Variants in TMEM231 observed in about 807,000 individuals in gnomAD.
TMEM231 encodes the protein transmembrane protein 231.
In TMEM231, 40 loss-of-function variants were observed where a neutral mutation model predicts 38.5. The ratio of observed to expected loss-of-function variants is 1.04; its 90% CI spans 0.81 to 1.35. The LOEUF (loss-of-function observed/expected upper bound fraction) is 1.35. Among genes scored for constraint, TMEM231 ranks in the 40% most tolerant of loss-of-function variants. TMEM231 has a pLI of 0.00. For missense variants in TMEM231, 420 were observed against 416.9 expected, an observed-to-expected ratio of 1.01 and a Z score of -0.07; for synonymous variants, 199 against 181.7, an observed-to-expected ratio of 1.10 and a Z score of -0.77.
At chr16:75,544,576 G>A (rs550045679) in intron 4 of TMEM231, among the ~76,000 whole-genome samples, 2 of 152,306 alleles carry the variant, frequency 1.3e-5, no homozygotes, top group African/African-American at 4.8e-5. Context: ...GATTAAAGGA[G>A]ATGATATAGG....
chr16:75,546,504 G>A lies in TMEM231; in HGVS notation c.310-550C>T, dbSNP rs2080693947. On this transcript the variant is annotated intron_variant, in intron 2 of 6. Transcript: ENST00000258173. ...ATCGCCCAGGCTGGAGTGCAGTGAC[G>A]CAATCACGGCTCACTACAACCTCCG... is the stretch of plus-strand genomic sequence containing the variant. 2.0e-5 allele frequency among the ~76,000 whole-genome samples: 3 copies of A among 151,926 alleles called. No individual in the cohort carries two copies. The South Asian group carries it at 6.2e-4, about 32-fold the overall frequency.
At position 75,556,138 on chromosome 16, in the gene TMEM231, C is replaced by A. The variant is rs746685376; in HGVS notation, c.72G>T (p.Ala24=). ...GCGCAGCGGCCAGCAGCAGGAACAG[C>A]GCGGCTTTGGAGCAGAGCCCCGCGC... is the stretch of plus-strand genomic sequence containing the variant. ...SYRAGLCSKA[A]LFLLLAAALT... is the part of the protein sequence containing the mutation. Residue 24 remains alanine (A), a synonymous_variant, in exon 1 of 7, where the codon GCG becomes GCT. Transcript: ENST00000258173. 1 of 1,578,776 alleles carries A rather than the reference C, an allele frequency of 6.3e-7. No homozygotes were observed. The highest frequency in any genetic ancestry group is 1.8e-5 in the Admixed American group (1 of 55,196).
chr16:75,537,363 T>TA lies in TMEM231; in HGVS notation c.*2630dup, dbSNP rs1331011308. Reference sequence around the variant, plus strand: ...AATATTAGGGGGGCCTCATCTGACTTAAGCCGAAACTGTACTAATCATTTG... The same window carrying TA: ...AATATTAGGGGGGCCTCATCTGACTTAAAGCCGAAACTGTACTAATCATTTG... On this transcript the variant is annotated 3_prime_UTR_variant, in exon 7 of 7. Transcript: ENST00000258173. 1 of 152,058 alleles carries TA rather than the reference T, an allele frequency of 6.6e-6. No individual in the cohort carries two copies. Among genetic ancestry groups the TA allele is most frequent in the Non-Finnish European group, 1.5e-5 (1 of 67,998 alleles). The allele number at this position is 152,058 out of a possible 1,614,324, so 9.4% of individuals were successfully genotyped here.
At chr16:75,554,545 CAAA>C (rs1185694717) in intron 2 of TMEM231, among the ~76,000 whole-genome samples, 26 of 94,110 alleles carry the variant, frequency 2.8e-4, no homozygotes, top group South Asian at 1.7e-3. Flanking sequence ...GACTGTGTCT[CAAA>C]AAAAAAAAAA....
intron 2 of TMEM231, among the ~76,000 whole-genome samples, chr16:75,548,746 G>A (rs2151705089): frequency 6.6e-6 from 1 of 152,238 alleles, no homozygotes; most frequent in Admixed American, 6.5e-5. Flanking sequence ...GCGTGCACCT[G>A]TAATCCCAGC....
chr16:75,548,770 G>A (rs1025551334), intron 2 of TMEM231, among the ~76,000 whole-genome samples: 1 of 152,164 alleles, frequency 6.6e-6, no homozygotes, highest in Non-Finnish European at 1.5e-5. Context: ...TAGGGAGGCT[G>A]AGGCAGGAGA....
In TMEM231 at chr16:75,545,446, A is replaced by G. The variant is rs566395744; in HGVS notation, c.488T>C (p.Phe163Ser). The change falls in exon 4 of 7, where the codon TTT (phenylalanine) becomes TCT (serine). Residue 163 changes from phenylalanine (F) to serine (S), a missense_variant. Phe to Ser is a radical substitution (Grantham distance 155, BLOSUM62 -2). Coordinates refer to ENST00000258173, the MANE Select transcript of TMEM231 (RefSeq NM_001077418.3). Reference sequence around the variant, plus strand: ...GTATAACTGGGATCCCGGGACAGGAAAGGAGGACTGGAGAAACGCCATGCT... The same window carrying G: ...GTATAACTGGGATCCCGGGACAGGAGAGGAGGACTGGAGAAACGCCATGCT... The part of the protein sequence containing the change: ...MQSMAFLQSS[F>S]PVPGSQLYVN... 6.9e-6 allele frequency: 11 copies of G among 1,604,014 alleles called. No homozygotes were observed. The East Asian group carries it at 2.5e-4, about 36-fold the overall frequency.
At position 75,539,987 on chromosome 16, in the gene TMEM231, G is replaced by A. The variant is rs1190508532; in HGVS notation, c.*7C>T. ...ACGGTCCTGCTGAGTCTTCAGAAATGGCCTTTCTAGGATAAGTGCTCCTTA... is the reference window on the plus strand; with the variant it reads ...ACGGTCCTGCTGAGTCTTCAGAAATAGCCTTTCTAGGATAAGTGCTCCTTA... On this transcript the variant is annotated 3_prime_UTR_variant, in exon 7 of 7. Transcript: ENST00000258173. 4.4e-6 allele frequency: 7 copies of A among 1,605,954 alleles called. No homozygotes were observed. The highest frequency in any genetic ancestry group is 1.1e-5 in the South Asian group (1 of 89,694).
In TMEM231 at chr16:75,537,121, CAAAAAA is replaced by C. The variant is rs35767878; in HGVS notation, c.*2867_*2872del. On this transcript the variant is annotated 3_prime_UTR_variant, in exon 7 of 7. Transcript: ENST00000258173. ...TGGGTAACAGAGTGAGACTCTGTCT[CAAAAAA>C]AAAAAAAAAAAAGAAAAAGAAAAAG... The C allele has an allele frequency of 2.8e-5, 3 of 107,196 alleles. No homozygotes were observed. The highest frequency in any genetic ancestry group is 2.6e-4 in the East Asian group (1 of 3,824). 6.6% of individuals were successfully genotyped at this position (107,196 alleles called of 1,614,324 possible). A position where few individuals can be genotyped will look rare whatever the true frequency, so the allele number is the denominator to read the frequency against.
chr16:75,541,722 C>A, intron 5 of TMEM231: 1 of 238,530 alleles, frequency 4.2e-6, no homozygotes, highest in South Asian at 1.3e-4. Flanking sequence ...TACTATACTG[C>A]CACTAAAAGT....
chr16:75,554,545 C>CAAAAAAAAA (rs1185694717), intron 2 of TMEM231, among the ~76,000 whole-genome samples: 1 of 94,098 alleles, frequency 1.1e-5, no homozygotes, highest in Non-Finnish European at 2.4e-5. Flanking sequence ...GACTGTGTCT[C>CAAAAAAAAA]AAAAAAAAAA....
intron 2 of TMEM231, among the ~76,000 whole-genome samples, chr16:75,549,191 A>G (rs1366020403): frequency 6.6e-6 from 1 of 152,246 alleles, no homozygotes; most frequent in East Asian, 1.9e-4. Context: ...CTCCTCTGTT[A>G]TCACTTGGAC....
At chr16:75,554,274 T>C (rs16975823) in intron 2 of TMEM231, among the ~76,000 whole-genome samples, 1,836 of 152,228 alleles carry the variant, frequency 0.012, 43 homozygotes, top group African/African-American at 0.041. Flanking sequence ...CATTGAAATA[T>C]TGTCCCTAGG....
At chr16:75,542,251 C>T (rs2151699575) in intron 5 of TMEM231, among the ~76,000 whole-genome samples, 1 of 148,106 alleles carries the variant, frequency 6.8e-6, no homozygotes, top group South Asian at 2.1e-4. Flanking sequence ...GCATGAACAG[C>T]AATTTGTCTT....
chr16:75,548,008 GA>G (rs2080714372), intron 2 of TMEM231, among the ~76,000 whole-genome samples: 1 of 152,108 alleles, frequency 6.6e-6, no homozygotes, highest in Non-Finnish European at 1.5e-5. Flanking sequence ...GTGGGAGGGG[GA>G]AAAGCTCATT....
At chr16:75,544,368 G>T (rs114587188) in intron 4 of TMEM231, among the ~76,000 whole-genome samples, 1,823 of 152,300 alleles carry the variant, frequency 0.012, 42 homozygotes, top group African/African-American at 0.041. Context: ...GACCTGAATG[G>T]CATGGTCCGA....
At chr16:75,546,096 T>C (rs1392060625) in intron 2 of TMEM231, 142 bp from the exon 3 acceptor site, 5 of 1,543,738 alleles carry the variant, frequency 3.2e-6, no homozygotes, top group Non-Finnish European at 3.5e-6. Flanking sequence ...GAAAAGCAGA[T>C]AGATGTAAGT....
intron 4 of TMEM231, 73 bp downstream of exon 4, chr16:75,545,279 T>A (rs369553164): frequency 6.5e-7 from 1 of 1,546,632 alleles, no homozygotes; most frequent in East Asian, 2.3e-5. Context: ...TACTTTTCAT[T>A]CCCCTCTTTA....
rs1179624325 is a variant in TMEM231 at position 75,539,775 on chromosome 16, G to A, written c.*219C>T. 4.8e-6 allele frequency: 2 copies of A among 415,320 alleles called. No homozygotes were observed. The highest frequency in any genetic ancestry group is 8.4e-6 in the Non-Finnish European group (2 of 236,812). The allele number at this position is 415,320 out of a possible 1,614,324, so 25.7% of individuals were successfully genotyped here. On this transcript the variant is annotated 3_prime_UTR_variant, in exon 7 of 7. Coordinates refer to ENST00000258173, the MANE Select transcript of TMEM231 (RefSeq NM_001077418.3). Reference sequence around the variant, plus strand: ...CCAAAAAGCTAATTATAGCCTCCAGGAACTCTCAGACCTTTCCACAAACTA... The same window carrying A: ...CCAAAAAGCTAATTATAGCCTCCAGAAACTCTCAGACCTTTCCACAAACTA...
Sources: allele counts gnomAD v4.1 joint callset (sites outside exome capture counted in the v4.1 genomes callset), GRCh38; gene constraint gnomAD v4.1.1; transcripts MANE v1.5; gene names NCBI Gene and HGNC (gene_info 2026-07-23, HGNC 2026-07-21).